Variants in NDST3 observed in about 807,000 individuals in gnomAD.
NDST3 encodes the protein bifunctional heparan sulfate N-deacetylase/N-sulfotransferase 3.
NDST3 carries 58 observed loss-of-function variants against 96.1 expected under a neutral mutation model. The observed-to-expected ratio is 0.60, with a 90% CI of 0.49 to 0.75. NDST3 has a LOEUF of 0.75. Among genes scored for constraint, NDST3 ranks in the 30% least tolerant of loss-of-function variants. The pLI, the probability that NDST3 is intolerant of heterozygous loss-of-function variation, is 0.00. For missense variants in NDST3, 788 were observed against 1,034.2 expected, an observed-to-expected ratio of 0.76 and a Z score of 3.27; for synonymous variants, 333 against 359.7, an observed-to-expected ratio of 0.93 and a Z score of 0.84.
At chr4:118,187,638 T>C (rs188020038) in intron 6 of NDST3, among the ~76,000 whole-genome samples, 283 of 152,298 alleles carry the variant, frequency 1.9e-3, no homozygotes, top group Middle Eastern at 0.01. Flanking sequence ...AGAGACCCCC[T>C]TTTTAGCTCT....
At chr4:118,197,313 T>C (rs1185643228) in intron 6 of NDST3, among the ~76,000 whole-genome samples, 1 of 122,174 alleles carries the variant, frequency 8.2e-6, no homozygotes, top group East Asian at 2.1e-4. Context: ...ATGTGTATTC[T>C]GCAGTCTTTG....
chr4:118,066,618 C>CATTATATATAAT (rs1726584080), intron 2 of NDST3, among the ~76,000 whole-genome samples: 5 of 15,062 alleles, frequency 3.3e-4, no homozygotes, highest in African/African-American at 1.5e-3. Context: ...TTATATATAA[C>CATTATATATAAT]ATGTTATATA....
intron 2 of NDST3, among the ~76,000 whole-genome samples, chr4:118,093,650 A>C (rs1407154654): frequency 6.6e-6 from 1 of 151,826 alleles, no homozygotes; most frequent in African/African-American, 2.4e-5. Context: ...TATATTCCTA[A>C]CTTATCGTAT....
chr4:118,243,799 T>G (rs1254322908), intron 12 of NDST3, among the ~76,000 whole-genome samples: 4 of 151,870 alleles, frequency 2.6e-5, no homozygotes, highest in African/African-American at 9.7e-5. Context: ...GTCCTTGACC[T>G]GCATGCTGTG....
chr4:118,238,556 A>G (rs1740829320), intron 10 of NDST3, among the ~76,000 whole-genome samples: 1 of 152,198 alleles, frequency 6.6e-6, no homozygotes, highest in South Asian at 2.1e-4. Context: ...TAGGACCCTT[A>G]GTTCTCATTT....
intron 8 of NDST3, among the ~76,000 whole-genome samples, chr4:118,230,626 A>T (rs1239945581): frequency 6.6e-6 from 1 of 152,168 alleles, no homozygotes; most frequent in Non-Finnish European, 1.5e-5. Flanking sequence ...GACTTACCGA[A>T]TCAGAGATAC....
In NDST3 at chr4:118,138,585, T is replaced by C. The variant is rs1462345548; in HGVS notation, c.1410+346T>C. On this transcript the variant is annotated intron_variant, in intron 5 of 13. Coordinates refer to ENST00000296499, the MANE Select transcript of NDST3 (RefSeq NM_004784.3). The stretch of plus-strand genomic sequence containing the variant: ...GAAAAACTAACACCAACTCTGTCTA[T>C]ATTAACCATGCTGCTCTTTGACAAG... 2.0e-5 allele frequency among the ~76,000 whole-genome samples: 3 copies of C among 152,314 alleles called. No homozygotes were observed. The East Asian group carries it at 5.8e-4, about 29-fold the overall frequency.
chr4:118,136,537 G>A (rs1733110611), intron 4 of NDST3, among the ~76,000 whole-genome samples: 1 of 152,096 alleles, frequency 6.6e-6, no homozygotes, highest in Non-Finnish European at 1.5e-5. Flanking sequence ...AATTTTTAGT[G>A]GAGTTCTAAA....
chr4:118,085,102 G>A (rs760336706), intron 2 of NDST3, among the ~76,000 whole-genome samples: 4 of 144,346 alleles, frequency 2.8e-5, no homozygotes, highest in East Asian at 2.1e-4. Flanking sequence ...CAGCCTGGGC[G>A]ACAGAGCGAG....
chr4:118,162,156 A>C (rs1578749381), intron 6 of NDST3, among the ~76,000 whole-genome samples: 1 of 152,152 alleles, frequency 6.6e-6, no homozygotes, highest in African/African-American at 2.4e-5. Context: ...AATCAATATC[A>C]TGAAAATGGC....
At chr4:118,251,673 A>G (rs1396826176) in intron 12 of NDST3, among the ~76,000 whole-genome samples, 2 of 152,210 alleles carry the variant, frequency 1.3e-5, no homozygotes, top group Non-Finnish European at 2.9e-5. Flanking sequence ...TGCCAACACC[A>G]TACAATCTTC....
chr4:118,121,127 ACT>A (rs1190654352), intron 4 of NDST3, among the ~76,000 whole-genome samples: 1 of 151,894 alleles, frequency 6.6e-6, no homozygotes, highest in Non-Finnish European at 1.5e-5. Flanking sequence ...CTAAAGACTG[ACT>A]CTGTTATTTA....
rs1234670164 is a variant in NDST3, at chr4:118,205,975, G to A, written c.1540-18516G>A. On this transcript the variant is annotated intron_variant, in intron 6 of 13. Transcript: ENST00000296499. The stretch of plus-strand genomic sequence containing the variant: ...AGCCTCCCGAGTAGCTGGGATTACA[G>A]AAGCCCGCCACCACGCCCAGCTAAT... 1.6e-4 allele frequency among the ~76,000 whole-genome samples: 23 copies of A among 142,640 alleles called. 3 individuals are homozygous for A. Among genetic ancestry groups the A allele is most frequent in the African/African-American group, 6.0e-4 (23 of 38,476 alleles). The allele number at this position is 142,640 out of a possible 152,430, so 93.6% of individuals were successfully genotyped here. A position where few individuals can be genotyped will look rare whatever the true frequency, so the allele number is the denominator to read the frequency against.
rs1383794664 is a variant in NDST3, at chr4:118,091,146, G to A, written c.982-13872G>A. Among the ~76,000 whole-genome samples the A allele has an allele frequency of 9.9e-5, 15 of 151,616 alleles. 1 individual carries two copies. Among genetic ancestry groups the A allele is most frequent in the Admixed American group, 9.9e-4 (15 of 15,172 alleles). Reference sequence around the variant, plus strand: ...ATACCAGATATAGATACTTGAGGGTGAAGAGTGGGAGTAGCGTGAGGATGA... The same window carrying A: ...ATACCAGATATAGATACTTGAGGGTAAAGAGTGGGAGTAGCGTGAGGATGA... On this transcript the variant is annotated intron_variant, in intron 2 of 13. Transcript: ENST00000296499.
At chr4:118,247,121 T>C (rs972614035) in intron 12 of NDST3, among the ~76,000 whole-genome samples, 2 of 151,642 alleles carry the variant, frequency 1.3e-5, no homozygotes, top group African/African-American at 2.4e-5. Flanking sequence ...ATGATAGCAT[T>C]ATTCATAATA....
intron 2 of NDST3, among the ~76,000 whole-genome samples, chr4:118,103,452 T>A (rs1729921938): frequency 6.6e-6 from 1 of 151,696 alleles, no homozygotes; most frequent in South Asian, 2.1e-4. Flanking sequence ...ATTGTCAGCA[T>A]TATATATATA....
chr4:118,121,074 C>T (rs1731525717), intron 4 of NDST3, among the ~76,000 whole-genome samples: 2 of 152,208 alleles, frequency 1.3e-5, no homozygotes, highest in East Asian at 3.9e-4. Context: ...TTTAATATTC[C>T]ATATTTGTTA....
At chr4:118,178,191 CAT>C (rs774338652) in intron 6 of NDST3, among the ~76,000 whole-genome samples, 33 of 152,014 alleles carry the variant, frequency 2.2e-4, no homozygotes, top group Non-Finnish European at 1.2e-4. Context: ...ATAAAATACA[CAT>C]AATGTAAAAT....
intron 6 of NDST3, among the ~76,000 whole-genome samples, chr4:118,186,911 T>G (rs192596899): frequency 2.6e-5 from 4 of 152,332 alleles, no homozygotes; most frequent in Admixed American, 6.5e-5. Context: ...GAGAGACCAT[T>G]TGACATTCTT....
Sources: gnomAD v4.1 joint callset for allele counts (sites outside exome capture counted in the v4.1 genomes callset) on GRCh38, gnomAD v4.1.1 for gene constraint, MANE v1.5 for transcripts, NCBI Gene and HGNC (gene_info 2026-07-23, HGNC 2026-07-21) for gene names.